Variants in ZFPM1 observed in about 807,000 individuals in gnomAD.
The protein encoded by ZFPM1 is zinc finger protein, FOG family member 1, also known as zinc finger protein ZFPM1.
ZFPM1 carries 28 observed loss-of-function variants against 46.3 expected under a neutral mutation model. The ratio of observed to expected loss-of-function variants is 0.60; its 90% CI spans 0.45 to 0.83. The LOEUF (loss-of-function observed/expected upper bound fraction) is 0.83. ZFPM1 is among the 40% of genes least tolerant of loss of function. ZFPM1 has a pLI of 0.00. For missense variants in ZFPM1, 1,878 were observed against 1,432.4 expected, an observed-to-expected ratio of 1.31 and a Z score of -5.02; for synonymous variants, 957 against 675.9, an observed-to-expected ratio of 1.42 and a Z score of -6.45.
rs1034848169 is a variant in ZFPM1, at chr16:88,485,856, C to G, written c.41-83C>G. 1.6e-5 allele frequency: 21 copies of G among 1,344,998 alleles called. No homozygotes were observed. The East Asian group carries it at 4.3e-4, about 27-fold the overall frequency. 83.3% of individuals were successfully genotyped at this position (1,344,998 alleles called of 1,614,324 possible). A position where few individuals can be genotyped will look rare whatever the true frequency, so the allele number is the denominator to read the frequency against. Reference sequence around the variant, plus strand: ...TGCCATTTCCGCCTGGGCACCGGGGCTGTACCTATGCCAGGAGGGGTCAGG... The same window carrying G: ...TGCCATTTCCGCCTGGGCACCGGGGGTGTACCTATGCCAGGAGGGGTCAGG... On this transcript the variant is annotated intron_variant, in intron 1 of 9. Coordinates refer to ENST00000319555, the MANE Select transcript of ZFPM1 (RefSeq NM_153813.3).
At position 88,458,294 on chromosome 16, in the gene ZFPM1, T is replaced by C. The variant is rs188083097; in HGVS notation, c.40+4616T>C. On this transcript the variant is annotated intron_variant, in intron 1 of 9. Coordinates refer to ENST00000319555, the MANE Select transcript of ZFPM1 (RefSeq NM_153813.3). ...TGGGCCTTTGGGACCAGAGGCCCTC[T>C]GAGGTCTTTCCCCAGATGGCCTCCT... 3.3e-5 allele frequency among the ~76,000 whole-genome samples: 5 copies of C among 152,316 alleles called. No individual in the cohort carries two copies. In the East Asian group the frequency reaches 9.7e-4, roughly 29 times the overall value.
In ZFPM1 at chr16:88,533,704, C is replaced by T. The variant is rs1293633139; in HGVS notation, c.1746C>T (p.Cys582=). 2.6e-6 allele frequency: 4 copies of T among 1,511,060 alleles called. No homozygotes were observed. The highest frequency in any genetic ancestry group is 1.5e-5 in the African/African-American group (1 of 68,460). The allele number at this position is 1,511,060 out of a possible 1,614,324, so 93.6% of individuals were successfully genotyped here. A position where few individuals can be genotyped will look rare whatever the true frequency, so the allele number is the denominator to read the frequency against. The change falls in exon 10 of 10, where the codon TGC becomes TGT. Residue 582 remains cysteine (C), a synonymous_variant. Transcript: ENST00000319555. ...GAPKGATCFE[C]EITFSNVNNY... ...CCAAGGGCGCTACGTGCTTCGAGTG[C>T]GAGATCACCTTCAGCAACGTCAACA...
In ZFPM1 at chr16:88,533,428, G is replaced by T. The variant is rs1176192790; in HGVS notation, c.1470G>T (p.Pro490=). The part of the protein sequence containing the change: ...EPGPQAPSRT[P]SPRSPAPARV... ...GGCCCCAGGCCCCGTCGCGGACGCC[G>T]TCGCCGCGCAGCCCCGCCCCGGCCA... Residue 490 remains proline, a synonymous_variant, in exon 10 of 10, where the codon CCG becomes CCT. Transcript: ENST00000319555. 5 of 1,472,068 alleles carry T rather than the reference G, an allele frequency of 3.4e-6. No individual in the cohort carries two copies. The Admixed American group carries it at 1.2e-4, about 37-fold the overall frequency. 91.2% of individuals were successfully genotyped at this position (1,472,068 alleles called of 1,614,324 possible). A position where few individuals can be genotyped will look rare whatever the true frequency, so the allele number is the denominator to read the frequency against.
rs994253698 is a variant in ZFPM1 at position 88,497,413 on chromosome 16, G to C, written c.268+8260G>C. Among the ~76,000 whole-genome samples, 3 of 150,820 alleles carry C rather than the reference G, an allele frequency of 2.0e-5. No homozygotes were observed. Among genetic ancestry groups the C allele is most frequent in the African/African-American group, 7.3e-5 (3 of 40,884 alleles). Reference sequence around the variant, plus strand: ...GCCCGGGCGGGGATGGGGTTCAGAGGGGTCAGGGTGGGGCTCAGGGCCTGG... The same window carrying C: ...GCCCGGGCGGGGATGGGGTTCAGAGCGGTCAGGGTGGGGCTCAGGGCCTGG... On this transcript the variant is annotated intron_variant, in intron 3 of 9. Coordinates refer to ENST00000319555, the MANE Select transcript of ZFPM1 (RefSeq NM_153813.3). This position sits in a 1 kb window ranked among gnomAD's most constrained non-coding sequence, Gnocchi z 5.4.
At chr16:88,500,278 C>G (rs74035508) in intron 3 of ZFPM1, among the ~76,000 whole-genome samples, 7,318 of 152,304 alleles carry the variant, frequency 0.048, 235 homozygotes, top group South Asian at 0.11. Flanking sequence ...CCCTCCTGGG[C>G]CTGCCGCATG....
At chr16:88,455,053 G>T (rs1412896281) in intron 1 of ZFPM1, among the ~76,000 whole-genome samples, 1 of 152,092 alleles carries the variant, frequency 6.6e-6, no homozygotes, top group Non-Finnish European at 1.5e-5. Context: ...AGTATTAAAA[G>T]CCACCCACAG....
rs765037961 is a variant in ZFPM1, at chr16:88,489,105, G to C, written c.220G>C (p.Glu74Gln). 9.3e-6 allele frequency: 15 copies of C among 1,612,576 alleles called. No individual in the cohort carries two copies. The highest frequency in any genetic ancestry group is 2.2e-5 in the East Asian group (1 of 44,836). Residue 74 changes from glutamate to glutamine, a missense_variant, in exon 3 of 10, where the codon GAA becomes CAA. Transcript: ENST00000319555. ...CAAGGAGCTGGAAGGACAGGAACCA[G>C]AACCCAGGCCCACGGAGGAAGAGCC... ...GPKELEGQEP[E>Q]PRPTEEEPGS...
chr16:88,533,498 G>T lies in ZFPM1; in HGVS notation c.1540G>T (p.Val514Leu). Residue 514 changes from valine (V) to leucine (L), a missense_variant, in exon 10 of 10, where the codon GTG (valine) becomes TTG (leucine). Transcript: ENST00000319555. ...CAGCCCCACGCCGGGCTCCAGCCCG[G>T]TGCCCGGCGAGCTGGGCCTGGCCGG... Reference protein sequence around the residue: ...LSSPTPGSSPVPGELGLAGAL... With the variant: ...LSSPTPGSSPLPGELGLAGAL... The T allele has an allele frequency of 7.1e-7, 1 of 1,403,724 alleles. No individual in the cohort carries two copies. The highest frequency in any genetic ancestry group is 9.2e-7 in the Non-Finnish European group (1 of 1,084,430). 87.0% of individuals were successfully genotyped at this position (1,403,724 alleles called of 1,614,324 possible). A position where few individuals can be genotyped will look rare whatever the true frequency, so the allele number is the denominator to read the frequency against.
intron 2 of ZFPM1, among the ~76,000 whole-genome samples, chr16:88,487,076 G>T (rs780115567): frequency 6.6e-6 from 1 of 152,186 alleles, no homozygotes; most frequent in Non-Finnish European, 1.5e-5. Flanking sequence ...TTCCCAAGCC[G>T]GAAGGAGGGC....
intron 3 of ZFPM1, among the ~76,000 whole-genome samples, chr16:88,495,194 G>A (rs913166057): frequency 6.6e-6 from 1 of 152,226 alleles, no homozygotes; most frequent in Non-Finnish European, 1.5e-5. Context: ...GACTCCCTGG[G>A]GTCCTGGGCT....
In ZFPM1 at chr16:88,469,186, T is replaced by A. The variant is rs1173254224; in HGVS notation, c.40+15508T>A. On this transcript the variant is annotated intron_variant, in intron 1 of 9. Coordinates refer to ENST00000319555, the MANE Select transcript of ZFPM1 (RefSeq NM_153813.3). This position sits in a 1 kb window ranked among gnomAD's most constrained non-coding sequence, Gnocchi z 4.3. Reference sequence around the variant, plus strand: ...CCTCCTGCAGGCTGCCCCCCACCGCTCCACCCTCTCCCCGCGCTGACTTCC... The same window carrying A: ...CCTCCTGCAGGCTGCCCCCCACCGCACCACCCTCTCCCCGCGCTGACTTCC... 6.6e-6 allele frequency among the ~76,000 whole-genome samples: 1 copy of A among 151,934 alleles called. No individual in the cohort carries two copies. Among genetic ancestry groups the A allele is most frequent in the African/African-American group, 2.4e-5 (1 of 41,366 alleles).
chr16:88,486,681 A>G (rs1482759796), intron 2 of ZFPM1, among the ~76,000 whole-genome samples: 1 of 144,070 alleles, frequency 6.9e-6, no homozygotes, highest in Non-Finnish European at 1.5e-5. Context: ...GGTGCTAGGT[A>G]CACAGTGGGT....
upstream of ZFPM1, among the ~76,000 whole-genome samples, chr16:88,452,533 C>G (rs144033621): frequency 2.3e-4 from 35 of 152,392 alleles, no homozygotes; most frequent in African/African-American, 7.7e-4. Flanking sequence ...GACCCGAGAT[C>G]CTGCTCTCAG....
intron 3 of ZFPM1, among the ~76,000 whole-genome samples, chr16:88,494,142 C>T (rs1237172453): frequency 2.0e-5 from 3 of 152,000 alleles, no homozygotes; most frequent in Admixed American, 6.5e-5. Flanking sequence ...TTGAGCTTGT[C>T]GGCTGCCCCG....
chr16:88,479,695 A>ACC (rs533841401), intron 1 of ZFPM1, among the ~76,000 whole-genome samples: 35 of 136,024 alleles, frequency 2.6e-4, no homozygotes, highest in African/African-American at 8.7e-4. Context: ...CAATGCTGTG[A>ACC]CCCCCCCCCA....
chr16:88,476,778 A>C (rs1482681742), intron 1 of ZFPM1, among the ~76,000 whole-genome samples: 3 of 152,170 alleles, frequency 2.0e-5, no homozygotes, highest in Non-Finnish European at 4.4e-5. Flanking sequence ...TTGAACATAC[A>C]TACGATGGGG....
Position 88,533,447 on chromosome 16 carries a change from C to G in ZFPM1, c.1489C>G (p.Pro497Ala). 6.9e-7 allele frequency: 1 copy of G among 1,445,700 alleles called. No individual in the cohort carries two copies. Among genetic ancestry groups the G allele is most frequent in the Non-Finnish European group, 9.0e-7 (1 of 1,108,568 alleles). The allele number at this position is 1,445,700 out of a possible 1,614,324, so 89.6% of individuals were successfully genotyped here. A position where few individuals can be genotyped will look rare whatever the true frequency, so the allele number is the denominator to read the frequency against. The change falls in exon 10 of 10, where the codon CCG becomes GCG. Residue 497 changes from proline to alanine, a missense_variant. Transcript: ENST00000319555. Reference sequence around the variant, plus strand: ...GACGCCGTCGCCGCGCAGCCCCGCCCCGGCCAGGGTCAAGGCCGAGCTGTC... The same window carrying G: ...GACGCCGTCGCCGCGCAGCCCCGCCGCGGCCAGGGTCAAGGCCGAGCTGTC... The part of the protein sequence containing the change: ...SRTPSPRSPA[P>A]ARVKAELSSP...
At chr16:88,500,911 A>C (rs1910214901) in intron 3 of ZFPM1, among the ~76,000 whole-genome samples, 1 of 152,228 alleles carries the variant, frequency 6.6e-6, no homozygotes. Context: ...TCCTCACCTG[A>C]CCGACAGGTA....
At chr16:88,516,311 C>G in intron 4 of ZFPM1, 1 of 398,078 alleles carries the variant, frequency 2.5e-6, no homozygotes, top group Non-Finnish European at 4.4e-6. Context: ...TCACCCCTCC[C>G]TGTCCGCCTG....
Sources: gnomAD v4.1 joint callset for allele counts (sites outside exome capture counted in the v4.1 genomes callset) on GRCh38, gnomAD v4.1.1 for gene constraint, Gnocchi (gnomAD v3.1) non-coding constraint, MANE v1.5 for transcripts, NCBI Gene and HGNC (gene_info 2026-07-23, HGNC 2026-07-21) for gene names.